Variants in RTL6 observed in about 807,000 individuals in gnomAD.
RTL6 encodes retrotransposon Gag like 6.
A neutral mutation model predicts 12.4 loss-of-function variants in RTL6; 9 were observed. That is an observed-to-expected ratio of 0.73 (90% CI 0.44 to 1.27). The LOEUF (loss-of-function observed/expected upper bound fraction) is 1.27. Ranked by LOEUF, RTL6 falls within the 50% of genes most tolerant of loss-of-function variation. The probability of loss-of-function intolerance (pLI) is 0.00; values close to 1 mark genes in which losing one functional copy is unlikely to be tolerated. For synonymous variants in RTL6, 160 were observed against 142.8 expected (o/e 1.12, Z -0.86); for missense variants, 291 against 330.7 (o/e 0.88, Z 0.93).
chr22:44,497,304 A>G lies in RTL6; in HGVS notation c.253T>C (p.Ser85Pro). 1 of 1,614,016 alleles carries G rather than the reference A, an allele frequency of 6.2e-7. No homozygotes were observed. Among genetic ancestry groups the G allele is most frequent in the East Asian group, 2.2e-5 (1 of 44,862 alleles). ...GALQITPPISSITSNGTRPMT... is the reference protein window; with the variant it reads ...GALQITPPISPITSNGTRPMT... Reference sequence around the variant, plus strand: ...GGTCGAGTCCCGTTTGAAGTAATTGAGGAGATGGGCGGGGTGATCTGCAGA... The same window carrying G: ...GGTCGAGTCCCGTTTGAAGTAATTGGGGAGATGGGCGGGGTGATCTGCAGA... Residue 85 changes from serine to proline, a missense_variant, in exon 2 of 2, where the codon TCA (serine) becomes CCA (proline). By Grantham distance (74) the Ser-to-Pro change is moderately conservative. Coordinates refer to ENST00000341255, the MANE Select transcript of RTL6 (RefSeq NM_032287.3).
Position 44,496,998 on chromosome 22 carries a change from C to A in RTL6, c.559G>T (p.Ala187Ser). Residue 187 changes from alanine (A) to serine (S), a missense_variant, in exon 2 of 2, where the codon GCC becomes TCC. This residue lies in a region of RTL6 where 132 missense variants were observed against 163.9 expected (regional missense o/e 0.81). Coordinates refer to ENST00000341255, the MANE Select transcript of RTL6 (RefSeq NM_032287.3). ...YKSPLRHARR[A>S]QIRKTSASNR... ...GAGGCAGAAGTCTTCCTGATTTGGG[C>A]GCGCCGCGCATGCCGGAGCGGAGAC... 6.2e-7 allele frequency: 1 copy of A among 1,613,890 alleles called. No individual in the cohort carries two copies. Among genetic ancestry groups the A allele is most frequent in the East Asian group, 2.2e-5 (1 of 44,870 alleles).
In RTL6 at chr22:44,497,693, C is replaced by T; in HGVS notation, c.-137G>A. On this transcript the variant is annotated 5_prime_UTR_variant, in exon 2 of 2. Transcript: ENST00000341255. ...GCTGCGAGACCCCCAAGCCGAGGGC[C>T]CGAGAGAGGGGCACGCGGTGCCAGG... The T allele has an allele frequency of 8.2e-7, 1 of 1,223,746 alleles. No homozygotes were observed. Among genetic ancestry groups the T allele is most frequent in the Non-Finnish European group, 1.1e-6 (1 of 892,038 alleles). The allele number at this position is 1,223,746 out of a possible 1,614,324, so 75.8% of individuals were successfully genotyped here.
rs1199567406 is a variant in RTL6 at position 44,497,548 on chromosome 22, C to T, written c.9G>A (p.Gln3=). Reference sequence around the variant, plus strand: ...GGCTTTCAGCTTTGGACGTCTGCGGCTGCACCATGCTGGCCAGAGGTCAGC... The same window carrying T: ...GGCTTTCAGCTTTGGACGTCTGCGGTTGCACCATGCTGGCCAGAGGTCAGC... MV[Q]PQTSKAESPA... is the part of the protein sequence containing the mutation. The change falls in exon 2 of 2, where the codon CAG becomes CAA. Residue 3 remains glutamine, a synonymous_variant. Transcript: ENST00000341255. The T allele has an allele frequency of 6.2e-7, 1 of 1,613,266 alleles. No individual in the cohort carries two copies. Among genetic ancestry groups the T allele is most frequent in the Non-Finnish European group, 8.5e-7 (1 of 1,179,710 alleles).
In RTL6 at chr22:44,496,870, C is replaced by G. The variant is rs780472982; in HGVS notation, c.687G>C (p.Ala229=). ...VHPASNGTSP[A]PALPARARNL is the part of the protein sequence containing the mutation. ...TCCGTGCTCGGGCAGGCAGGGCTGG[C>G]GCTGGACTAGTCCCGTTGGAAGCTG... is the stretch of plus-strand genomic sequence containing the variant. The change falls in exon 2 of 2, where the codon GCG becomes GCC. Residue 229 remains alanine, a synonymous_variant. Transcript: ENST00000341255. The G allele has an allele frequency of 6.3e-7, 1 of 1,582,884 alleles. No homozygotes were observed. Among genetic ancestry groups the G allele is most frequent in the Admixed American group, 1.8e-5 (1 of 56,700 alleles).
chr22:44,494,831 C>T lies in RTL6; in HGVS notation c.*2006G>A, dbSNP rs1225694627. ...GCTGGCGACACAGCAGAGTTCCCAC[C>T]CTGCTTCCATGCTGGGCTGGGCCAC... On this transcript the variant is annotated 3_prime_UTR_variant, in exon 2 of 2. Coordinates refer to ENST00000341255, the MANE Select transcript of RTL6 (RefSeq NM_032287.3). The T allele has an allele frequency of 6.6e-6, 1 of 152,406 alleles. No homozygotes were observed. The highest frequency in any genetic ancestry group is 2.4e-5 in the African/African-American group (1 of 41,454). The allele number at this position is 152,406 out of a possible 1,614,324, so 9.4% of individuals were successfully genotyped here.
chr22:44,497,630 T>C lies in RTL6; in HGVS notation c.-74A>G. Reference sequence around the variant, plus strand: ...GGTGTGGTGACCAGGTGGGCCCCTGTAGAAATGGGGGCAGTGTGGGGTGCA... The same window carrying C: ...GGTGTGGTGACCAGGTGGGCCCCTGCAGAAATGGGGGCAGTGTGGGGTGCA... On this transcript the variant is annotated 5_prime_UTR_variant, in exon 2 of 2. Transcript: ENST00000341255. The C allele has an allele frequency of 6.5e-7, 1 of 1,539,510 alleles. No homozygotes were observed. Among genetic ancestry groups the C allele is most frequent in the Non-Finnish European group, 8.8e-7 (1 of 1,142,428 alleles).
rs972957964 is a variant in RTL6 at position 44,495,725 on chromosome 22, G to C, written c.*1112C>G. The C allele has an allele frequency of 1.3e-5, 2 of 152,156 alleles. No homozygotes were observed. 9.4% of individuals were successfully genotyped at this position (152,156 alleles called of 1,614,324 possible). A position where few individuals can be genotyped will look rare whatever the true frequency, so the allele number is the denominator to read the frequency against. ...GGGAGTCTGTTTTCCCTTGGACAAA[G>C]GCAGCCCATCTGATTGCCCAGGCAC... On this transcript the variant is annotated 3_prime_UTR_variant, in exon 2 of 2. Transcript: ENST00000341255.
chr22:44,497,608 G>T lies in RTL6; in HGVS notation c.-52C>A. On this transcript the variant is annotated 5_prime_UTR_variant, in exon 2 of 2. Transcript: ENST00000341255. ...AGATCCGCGGGTGGACCAAGAGGGT[G>T]TGGTGACCAGGTGGGCCCCTGTAGA... 1.3e-6 allele frequency: 2 copies of T among 1,585,022 alleles called. No homozygotes were observed. Among genetic ancestry groups the T allele is most frequent in the East Asian group, 2.3e-5 (1 of 44,340 alleles).
rs1924358182 is a variant in RTL6, at chr22:44,493,448, C to T, written c.*3389G>A. The stretch of plus-strand genomic sequence containing the variant: ...ACTGCCACCCCACCCAAACTCAGGT[C>T]CCCAAGAGACAGAGACACAGGGGCT... On this transcript the variant is annotated 3_prime_UTR_variant, in exon 2 of 2. Transcript: ENST00000341255. 1 of 152,188 alleles carries T rather than the reference C, an allele frequency of 6.6e-6. No individual in the cohort carries two copies. The highest frequency in any genetic ancestry group is 2.4e-5 in the African/African-American group (1 of 41,398). The allele number at this position is 152,188 out of a possible 1,614,324, so 9.4% of individuals were successfully genotyped here.
rs760623574 is a variant in RTL6 at position 44,497,690 on chromosome 22, G to A, written c.-134C>T. 24 of 1,272,030 alleles carry A rather than the reference G, an allele frequency of 1.9e-5. No homozygotes were observed. Among genetic ancestry groups the A allele is most frequent in the African/African-American group, 1.5e-4 (10 of 66,068 alleles). The allele number at this position is 1,272,030 out of a possible 1,614,324, so 78.8% of individuals were successfully genotyped here. A position where few individuals can be genotyped will look rare whatever the true frequency, so the allele number is the denominator to read the frequency against. On this transcript the variant is annotated 5_prime_UTR_variant, in exon 2 of 2. Transcript: ENST00000341255. ...GGCGCTGCGAGACCCCCAAGCCGAG[G>A]GCCCGAGAGAGGGGCACGCGGTGCC...
Position 44,496,683 on chromosome 22 carries a change from G to A in RTL6, c.*154C>T. On this transcript the variant is annotated 3_prime_UTR_variant, in exon 2 of 2. Transcript: ENST00000341255. ...GGTGGGCAACCAGGGCGCCAGGAAG[G>A]ACGGAAGGAAGATCTCCTCGGGGAA... is the stretch of plus-strand genomic sequence containing the variant. 1.0e-6 allele frequency: 1 copy of A among 972,646 alleles called. No individual in the cohort carries two copies. The allele number at this position is 972,646 out of a possible 1,614,324, so 60.3% of individuals were successfully genotyped here. A position where few individuals can be genotyped will look rare whatever the true frequency, so the allele number is the denominator to read the frequency against.
At chr22:44,497,849 T>C in intron 1 of RTL6, 38 bp from the exon 2 acceptor site, 1 of 356,424 alleles carries the variant, frequency 2.8e-6, no homozygotes, top group Non-Finnish European at 5.3e-6. Flanking sequence ...AGGTTTCAGT[T>C]GCGACTAGCG....
At position 44,496,392 on chromosome 22, in the gene RTL6, A is replaced by G. The variant is rs947327571; in HGVS notation, c.*445T>C. ...AAGCCACCAGCCTGGCCAAACGGGCATCTTTCTGTCCAGAGCTCATCAATA... is the reference window on the plus strand; with the variant it reads ...AAGCCACCAGCCTGGCCAAACGGGCGTCTTTCTGTCCAGAGCTCATCAATA... On this transcript the variant is annotated 3_prime_UTR_variant, in exon 2 of 2. Transcript: ENST00000341255. The G allele has an allele frequency of 5.0e-5, 8 of 161,332 alleles. No homozygotes were observed. The highest frequency in any genetic ancestry group is 3.2e-4 in the Admixed American group (5 of 15,800). The allele number at this position is 161,332 out of a possible 1,614,324, so 10.0% of individuals were successfully genotyped here. A position where few individuals can be genotyped will look rare whatever the true frequency, so the allele number is the denominator to read the frequency against.
rs1924463487 is a variant in RTL6, at chr22:44,496,861, C to T, written c.696G>A (p.Leu232=). The T allele has an allele frequency of 6.4e-7, 1 of 1,564,160 alleles. No homozygotes were observed. Among genetic ancestry groups the T allele is most frequent in the East Asian group, 2.3e-5 (1 of 44,208 alleles). The change falls in exon 2 of 2, where the codon CTG becomes CTA. Residue 232 remains leucine (L), a synonymous_variant. Coordinates refer to ENST00000341255, the MANE Select transcript of RTL6 (RefSeq NM_032287.3). The part of the protein sequence containing the change: ...ASNGTSPAPA[L]PARARNL ...CTTAAAGATTCCGTGCTCGGGCAGG[C>T]AGGGCTGGCGCTGGACTAGTCCCGT... is the stretch of plus-strand genomic sequence containing the variant.
chr22:44,497,250 CG>C lies in RTL6; in HGVS notation c.306del (p.Glu103SerfsTer14). 6.2e-7 allele frequency: 1 copy of C among 1,614,204 alleles called. No homozygotes were observed. Among genetic ancestry groups the C allele is most frequent in the South Asian group, 1.1e-5 (1 of 91,090 alleles). On this transcript the variant is annotated frameshift_variant, in exon 2 of 2. Transcript: ENST00000341255. LOFTEE classifies it high-confidence loss of function. ...CGGCCTGGGTCCCCGGAAAAGGGCT[CG>C]GGCAGAGAGGTTGGAGGTGTGGTCA... Reference protein sequence around the residue: ...RPMTTPPTSLPEPFSGDPGRL... With the variant: ...RPMTTPPTSLXEPFSGDPGRL...
Position 44,497,750 on chromosome 22 carries a change from C to A in RTL6, c.-194G>T, listed in dbSNP as rs947618009. On this transcript the variant is annotated 5_prime_UTR_variant, in exon 2 of 2. Transcript: ENST00000341255. ...GGACTTCGGCCCCGGTCCCACGCGG[C>A]TCCTTTACTGCAGACTTCGCGGACT... 1.0e-5 allele frequency: 7 copies of A among 687,970 alleles called. No individual in the cohort carries two copies. The African/African-American group carries it at 1.3e-4, about 13-fold the overall frequency. 42.6% of individuals were successfully genotyped at this position (687,970 alleles called of 1,614,324 possible). A position where few individuals can be genotyped will look rare whatever the true frequency, so the allele number is the denominator to read the frequency against.
chr22:44,496,672 G>C lies in RTL6; in HGVS notation c.*165C>G, dbSNP rs1331134931. 3.4e-6 allele frequency: 3 copies of C among 875,112 alleles called. No homozygotes were observed. The highest frequency in any genetic ancestry group is 3.4e-5 in the African/African-American group (2 of 59,652). 54.2% of individuals were successfully genotyped at this position (875,112 alleles called of 1,614,324 possible). On this transcript the variant is annotated 3_prime_UTR_variant, in exon 2 of 2. Transcript: ENST00000341255. ...AAGCACGGCAAGGTGGGCAACCAGGGCGCCAGGAAGGACGGAAGGAAGATC... is the reference window on the plus strand; with the variant it reads ...AAGCACGGCAAGGTGGGCAACCAGGCCGCCAGGAAGGACGGAAGGAAGATC...
Position 44,493,229 on chromosome 22 carries a change from G to A in RTL6, c.*3608C>T, listed in dbSNP as rs983150908. On this transcript the variant is annotated 3_prime_UTR_variant, in exon 2 of 2. Transcript: ENST00000341255. ...AAGCAAAGAAACCATAGTTGGGGGG[G>A]AAAGCCTGAGAGACACCAAAATGTG... The A allele has an allele frequency of 1.3e-5, 2 of 152,314 alleles. No homozygotes were observed. Among genetic ancestry groups the A allele is most frequent in the Non-Finnish European group, 2.9e-5 (2 of 68,028 alleles). 9.4% of individuals were successfully genotyped at this position (152,314 alleles called of 1,614,324 possible).
rs1304449046 is a variant in RTL6, at chr22:44,496,847, C to T, written c.710G>A (p.Arg237Gln). 7 of 1,553,172 alleles carry T rather than the reference C, an allele frequency of 4.5e-6. No individual in the cohort carries two copies. Among genetic ancestry groups the T allele is most frequent in the African/African-American group, 2.7e-5 (2 of 72,926 alleles). The change falls in exon 2 of 2, where the codon CGG becomes CAG. Residue 237 changes from arginine to glutamine, a missense_variant. Physicochemically the swap from Arg to Gln is conservative, Grantham distance 43. Coordinates refer to ENST00000341255, the MANE Select transcript of RTL6 (RefSeq NM_032287.3). The stretch of plus-strand genomic sequence containing the variant: ...AGTGCTGGCGGATTCTTAAAGATTC[C>T]GTGCTCGGGCAGGCAGGGCTGGCGC... ...SPAPALPARA[R>Q]NL
Sources: allele counts gnomAD v4.1 joint callset, GRCh38; gene constraint gnomAD v4.1.1; regional missense constraint gnomAD v4.1.1; transcripts MANE v1.5; gene names NCBI Gene and HGNC (gene_info 2026-07-23, HGNC 2026-07-21).